SVEP1: variants seen among roughly 807,000 people sequenced by gnomAD.
SVEP1 encodes sushi, von Willebrand factor type A, EGF and pentraxin domain-containing protein 1.
A neutral mutation model predicts 367.3 loss-of-function variants in SVEP1; 164 were observed. The ratio of observed to expected loss-of-function variants is 0.45; its 90% CI spans 0.39 to 0.51. The LOEUF (loss-of-function observed/expected upper bound fraction) is 0.51. Among genes scored for constraint, SVEP1 ranks in the 20% least tolerant of loss-of-function variants. The pLI is 0.00. For synonymous variants in SVEP1, 1,666 were observed against 1,611.6 expected (o/e 1.03, Z -0.81); for missense variants, 4,117 against 4,425.3 (o/e 0.93, Z 1.98).
chr9:110,577,162 T>G (rs186544042), intron 1 of SVEP1, among the ~76,000 whole-genome samples: 51 of 152,228 alleles, frequency 3.4e-4, no homozygotes, highest in Non-Finnish European at 8.8e-5. Flanking sequence ...AAATTCATAT[T>G]AAATAATAAG....
At chr9:110,554,899 G>A (rs1427466542) in intron 1 of SVEP1, among the ~76,000 whole-genome samples, 3 of 152,094 alleles carry the variant, frequency 2.0e-5, no homozygotes, top group African/African-American at 7.2e-5. Flanking sequence ...TTGAGGAAAA[G>A]TCCAATTATC....
chr9:110,444,982 GA>G (rs1166847554), intron 26 of SVEP1, among the ~76,000 whole-genome samples: 2 of 151,862 alleles, frequency 1.3e-5, no homozygotes, highest in Non-Finnish European at 2.9e-5. Context: ...ATTGGGGATA[GA>G]AAAAAAAGCT....
At chr9:110,466,271 A>G (rs758363636) in intron 17 of SVEP1, among the ~76,000 whole-genome samples, 11 of 152,182 alleles carry the variant, frequency 7.2e-5, no homozygotes, top group Non-Finnish European at 1.5e-4. Context: ...GACGCATAGA[A>G]CACGTTCAAT....
rs767097945 is a variant in SVEP1, at chr9:110,387,343, T to A, written c.10002A>T (p.Pro3334=). The change falls in exon 42 of 48, where the codon CCA becomes CCT. Residue 3334 remains proline, a synonymous_variant. Coordinates refer to ENST00000374469, the MANE Select transcript of SVEP1 (RefSeq NM_153366.4). The stretch of plus-strand genomic sequence containing the variant: ...CATTTTCTGTGCAGTGTGCCTCAGA[T>A]GGCCCTTCAAGACTGTAGCCTCTGT... ...SCNRGYSLEG[P]SEAHCTENGT... 11 of 1,613,180 alleles carry A rather than the reference T, an allele frequency of 6.8e-6. No homozygotes were observed. Among genetic ancestry groups the A allele is most frequent in the Non-Finnish European group, 8.5e-6 (10 of 1,179,702 alleles).
chr9:110,573,826 C>T (rs7040252), intron 1 of SVEP1, among the ~76,000 whole-genome samples: 28,868 of 152,114 alleles, frequency 0.19, 2,833 homozygotes, highest in East Asian at 0.28. Context: ...AAGAGCTTTT[C>T]ATTAATTCTG....
At chr9:110,536,683 G>C (rs981569395) in intron 3 of SVEP1, among the ~76,000 whole-genome samples, 1 of 151,714 alleles carries the variant, frequency 6.6e-6, no homozygotes, top group African/African-American at 2.4e-5. Flanking sequence ...TAATAAGCAG[G>C]GTCTTTAAGA....
Position 110,460,274 on chromosome 9 carries a change from A to C in SVEP1, c.3323-1161T>G, listed in dbSNP as rs1050601950. Among the ~76,000 whole-genome samples the C allele has an allele frequency of 7.5e-4, 114 of 152,188 alleles. 1 individual carries two copies. The highest frequency in any genetic ancestry group is 2.7e-3 in the African/African-American group (111 of 41,446). On this transcript the variant is annotated intron_variant, in intron 18 of 47. Transcript: ENST00000374469. The stretch of plus-strand genomic sequence containing the variant: ...ATGGTCAGATAATTTACGTTGCATA[A>C]CTAATTGCTACCTTTTGAATTTTGA...
At chr9:110,547,996 A>G (rs1165459974) in intron 2 of SVEP1, among the ~76,000 whole-genome samples, 4 of 152,180 alleles carry the variant, frequency 2.6e-5, no homozygotes, top group African/African-American at 4.8e-5. Context: ...GTCAACTTCC[A>G]TCAGGACAGA....
chr9:110,369,618 G>C, intron 47 of SVEP1: 1 of 223,570 alleles, frequency 4.5e-6, no homozygotes, highest in Non-Finnish European at 8.7e-6. Flanking sequence ...TCACAAATTT[G>C]TGTGTCATCC....
intron 27 of SVEP1, among the ~76,000 whole-genome samples, chr9:110,437,584 G>C (rs1349773192): frequency 3.9e-5 from 6 of 151,994 alleles, no homozygotes; most frequent in African/African-American, 1.4e-4. Context: ...TTCTCTGCCT[G>C]CCTCTTAGAA....
chr9:110,540,873 G>A (rs770191649), intron 3 of SVEP1, among the ~76,000 whole-genome samples: 4 of 152,120 alleles, frequency 2.6e-5, no homozygotes, highest in Non-Finnish European at 4.4e-5. Context: ...TGACAGTGGC[G>A]TTCATTTCAA....
chr9:110,459,416 T>C (rs1418405837), intron 18 of SVEP1, among the ~76,000 whole-genome samples: 1 of 152,200 alleles, frequency 6.6e-6, no homozygotes, highest in Non-Finnish European at 1.5e-5. Flanking sequence ...TTGAATAGTA[T>C]AGATTTTAAT....
chr9:110,423,183 A>G (rs867139097), intron 36 of SVEP1, among the ~76,000 whole-genome samples: 4,240 of 129,654 alleles, frequency 0.033, 50 homozygotes, highest in Middle Eastern at 0.06. Context: ...AAAAAAAAAA[A>G]GAAAAAAAAA....
intron 40 of SVEP1, among the ~76,000 whole-genome samples, chr9:110,393,721 G>C (rs1460568998): frequency 6.6e-6 from 1 of 152,216 alleles, no homozygotes; most frequent in Non-Finnish European, 1.5e-5. Context: ...TCCCGCACCT[G>C]GCTCAGAGGG....
intron 23 of SVEP1, among the ~76,000 whole-genome samples, chr9:110,450,644 A>ATT (rs367645595): frequency 2.3e-4 from 33 of 144,898 alleles, no homozygotes; most frequent in African/African-American, 8.4e-4. Flanking sequence ...TAATTTTTGT[A>ATT]TTTTTTTTTT....
intron 5 of SVEP1, among the ~76,000 whole-genome samples, chr9:110,506,745 G>A (rs1564162147): frequency 6.6e-6 from 1 of 152,104 alleles, no homozygotes; most frequent in Non-Finnish European, 1.5e-5. Context: ...TTTCCAAGCA[G>A]GGGAAGGAGG....
chr9:110,388,740 G>A (rs796250442), intron 41 of SVEP1, among the ~76,000 whole-genome samples: 51 of 152,176 alleles, frequency 3.4e-4, no homozygotes, highest in African/African-American at 1.2e-3. Context: ...AGGCTGAGGA[G>A]CATGGATTGC....
At chr9:110,390,178 T>TACAA (rs1491049550) in intron 40 of SVEP1, among the ~76,000 whole-genome samples, 18 of 49,578 alleles carry the variant, frequency 3.6e-4, no homozygotes, top group African/African-American at 7.6e-4. Flanking sequence ...TAAGTATGTA[T>TACAA]GTATATATAC....
chr9:110,472,647 G>A (rs956637812), intron 14 of SVEP1, among the ~76,000 whole-genome samples: 1 of 152,096 alleles, frequency 6.6e-6, no homozygotes, highest in African/African-American at 2.4e-5. Flanking sequence ...AATAAGAGCT[G>A]GGTGCAAAAT....
Sources: allele counts gnomAD v4.1 joint callset (sites outside exome capture counted in the v4.1 genomes callset), GRCh38; gene constraint gnomAD v4.1.1; transcripts MANE v1.5; gene names NCBI Gene and HGNC (gene_info 2026-07-23, HGNC 2026-07-21).